The following GALNT13 variants were observed in gnomAD, a reference collection of about 807,000 sequenced individuals.
The protein encoded by GALNT13 is polypeptide N-acetylgalactosaminyltransferase 13.
In GALNT13, 28 loss-of-function variants were observed where a neutral mutation model predicts 64.2. The ratio of observed to expected loss-of-function variants is 0.44; its 90% CI spans 0.32 to 0.60. The LOEUF (loss-of-function observed/expected upper bound fraction) is 0.60, where lower values mean the gene tolerates loss of function less well. Among genes scored for constraint, GALNT13 ranks in the 20% least tolerant of loss-of-function variants. The pLI is 0.05. For synonymous variants in GALNT13, 214 were observed against 224.6 expected, an observed-to-expected ratio of 0.95 and a Z score of 0.42; for missense variants, 577 against 669.8, an observed-to-expected ratio of 0.86 and a Z score of 1.53.
intron 4 of GALNT13, among the ~76,000 whole-genome samples, chr2:154,202,076 A>C (rs1169049300): frequency 2.6e-5 from 4 of 152,126 alleles, no homozygotes; most frequent in Non-Finnish European, 5.9e-5. Flanking sequence ...ACTTTTGTGA[A>C]ACACCTACTT....
At chr2:153,095,035 A>T in the GALNT13 span, among the ~76,000 whole-genome samples, 2 of 152,166 alleles carry the variant, frequency 1.3e-5, no homozygotes, top group Non-Finnish European at 2.9e-5. Context: ...AAAATTGACA[A>T]ATGGGATCTA....
At chr2:153,351,498 G>A in the GALNT13 span, among the ~76,000 whole-genome samples, 1 of 152,140 alleles carries the variant, frequency 6.6e-6, no homozygotes, top group African/African-American at 2.4e-5. Context: ...GTTTACGTTA[G>A]TTCACTCTTG....
chr2:153,388,818 G>A, the GALNT13 span, among the ~76,000 whole-genome samples: 1 of 152,098 alleles, frequency 6.6e-6, no homozygotes, highest in South Asian at 2.1e-4. Flanking sequence ...CAGAAACCCA[G>A]GAGGACTGAC....
the GALNT13 span, among the ~76,000 whole-genome samples, chr2:153,849,293 CA>C: frequency 1.3e-5 from 2 of 152,042 alleles, no homozygotes; most frequent in East Asian, 3.9e-4. Flanking sequence ...AAAATCCTAC[CA>C]AACAACATAC....
At chr2:154,335,089 T>TTCCTATATGTGG (rs1177100889) in intron 9 of GALNT13, among the ~76,000 whole-genome samples, 1 of 151,990 alleles carries the variant, frequency 6.6e-6, no homozygotes, top group Non-Finnish European at 1.5e-5. Flanking sequence ...TTCAGAAGAC[T>TTCCTATATGTGG]TCCTATATGT....
At chr2:153,404,050 C>G in the GALNT13 span, among the ~76,000 whole-genome samples, 1 of 152,158 alleles carries the variant, frequency 6.6e-6, no homozygotes, top group Non-Finnish European at 1.5e-5. Context: ...CAAATCTCCC[C>G]TTTCATTAGG....
the GALNT13 span, among the ~76,000 whole-genome samples, chr2:153,384,943 A>C: frequency 6.6e-6 from 1 of 152,054 alleles, no homozygotes; most frequent in Non-Finnish European, 1.5e-5. Flanking sequence ...CCTACATATC[A>C]AACTAAAATC....
At chr2:153,549,151 T>G in the GALNT13 span, among the ~76,000 whole-genome samples, 1 of 152,192 alleles carries the variant, frequency 6.6e-6, no homozygotes, top group East Asian at 1.9e-4. Context: ...GGGGTTTCTT[T>G]TTGGGGTGAT....
intron 8 of GALNT13, chr2:154,286,873 C>T: frequency 2.5e-6 from 1 of 399,374 alleles, no homozygotes; most frequent in East Asian, 5.6e-5. Context: ...ACTTTGTATC[C>T]TCTTCTGGCC....
chr2:153,706,567 A>G, the GALNT13 span, among the ~76,000 whole-genome samples: 1 of 152,222 alleles, frequency 6.6e-6, no homozygotes, highest in Non-Finnish European at 1.5e-5. Flanking sequence ...CCAGTAAAGT[A>G]TACGTGTGTG....
chr2:153,958,138 A>G (rs1476730591), intron 3 of GALNT13, among the ~76,000 whole-genome samples: 2 of 152,148 alleles, frequency 1.3e-5, no homozygotes, highest in Non-Finnish European at 2.9e-5. Context: ...CAAGGGGTAT[A>G]GGCTGAGGCT....
At chr2:154,071,294 A>T (rs1700729378) in intron 3 of GALNT13, among the ~76,000 whole-genome samples, 1 of 152,114 alleles carries the variant, frequency 6.6e-6, no homozygotes. Flanking sequence ...TAGGGGGTTG[A>T]CGCCATTTAG....
chr2:153,973,563 T>A (rs1359622332), intron 3 of GALNT13, among the ~76,000 whole-genome samples: 1 of 152,014 alleles, frequency 6.6e-6, no homozygotes, highest in Non-Finnish European at 1.5e-5. Context: ...ATAAAAATTA[T>A]AAAATTTTTA....
chr2:153,601,594 T>C, the GALNT13 span, among the ~76,000 whole-genome samples: 1 of 151,622 alleles, frequency 6.6e-6, no homozygotes, highest in Admixed American at 6.6e-5. Context: ...ACTCTTTTCA[T>C]TTCCACATGG....
At chr2:154,270,075 A>T (rs1181790350) in intron 8 of GALNT13, among the ~76,000 whole-genome samples, 1 of 151,334 alleles carries the variant, frequency 6.6e-6, no homozygotes, top group Non-Finnish European at 1.5e-5. Flanking sequence ...TTTAGAAAAA[A>T]ATAAGTGAAC....
At chr2:153,435,774 C>G in the GALNT13 span, among the ~76,000 whole-genome samples, 5 of 152,090 alleles carry the variant, frequency 3.3e-5, no homozygotes, top group African/African-American at 1.2e-4. Context: ...CGTCTGCAAA[C>G]AGGGACAATT....
chr2:154,149,114 A>C (rs917996514), intron 4 of GALNT13, among the ~76,000 whole-genome samples: 6 of 152,194 alleles, frequency 3.9e-5, no homozygotes, highest in African/African-American at 1.2e-4. Flanking sequence ...ATAAGGTGTA[A>C]GGAAGGGATC....
chr2:154,287,028 CT>C (rs1692305939), intron 8 of GALNT13: 1 of 628,274 alleles, frequency 1.6e-6, no homozygotes, highest in African/African-American at 1.8e-5. Flanking sequence ...GAGAGCTGGT[CT>C]CCAGGCAGGT....
At chr2:154,067,791 C>T (rs1481095550) in intron 3 of GALNT13, among the ~76,000 whole-genome samples, 1 of 151,984 alleles carries the variant, frequency 6.6e-6, no homozygotes, top group East Asian at 1.9e-4. Context: ...GGAAACTCTC[C>T]AAGATGTTGG....
Sources: allele counts gnomAD v4.1 joint callset (sites outside exome capture counted in the v4.1 genomes callset), GRCh38; gene constraint gnomAD v4.1.1; transcripts MANE v1.5; gene names NCBI Gene and HGNC (gene_info 2026-07-23, HGNC 2026-07-21).